PPM1A: variants seen among roughly 807,000 people sequenced by gnomAD.
The protein encoded by PPM1A is protein phosphatase 1A.
In PPM1A, 7 loss-of-function variants were observed where a neutral mutation model predicts 35.0. The ratio of observed to expected loss-of-function variants is 0.20; its 90% CI spans 0.11 to 0.38. The LOEUF (loss-of-function observed/expected upper bound fraction) is 0.38. PPM1A is among the 10% of genes least tolerant of loss of function. PPM1A has a pLI of 1.00. For synonymous variants in PPM1A, 153 were observed against 167.3 expected (o/e 0.91, Z 0.66); for missense variants, 239 against 467.8 (o/e 0.51, Z 4.51).
At chr14:60,290,696 G>A (rs1887537574) in intron 4 of PPM1A, among the ~76,000 whole-genome samples, 1 of 152,076 alleles carries the variant, frequency 6.6e-6, no homozygotes, top group Non-Finnish European at 1.5e-5. Context: ...ATTCTCTACT[G>A]TGTTTTGCAA....
Position 60,292,687 on chromosome 14 carries a change from A to G in PPM1A, c.*205A>G. On this transcript the variant is annotated 3_prime_UTR_variant, in exon 6 of 6. Transcript: ENST00000395076. The surrounding 1 kb of genome is among the most constrained non-coding windows in gnomAD (Gnocchi z 4.2). ...TTTTTGTAAATTTGAGACTTATGTA[A>G]GCGTGATTTCAAACCATAATTCGTG... 1 of 403,810 alleles carries G rather than the reference A, an allele frequency of 2.5e-6. No homozygotes were observed. Among genetic ancestry groups the G allele is most frequent in the East Asian group, 3.6e-5 (1 of 28,146 alleles). The allele number at this position is 403,810 out of a possible 1,614,324, so 25.0% of individuals were successfully genotyped here.
intron 2 of PPM1A, among the ~76,000 whole-genome samples, chr14:60,284,552 G>C (rs1886742319): frequency 6.6e-6 from 1 of 151,022 alleles, no homozygotes; most frequent in Non-Finnish European, 1.5e-5. Flanking sequence ...TGAGGCAGGA[G>C]AATGGCGTGA....
intron 1 of PPM1A, among the ~76,000 whole-genome samples, chr14:60,270,886 T>A (rs747414668): frequency 6.6e-6 from 1 of 152,262 alleles, no homozygotes; most frequent in Non-Finnish European, 1.5e-5. Flanking sequence ...TGGCAGATTT[T>A]CTTTCCCAAC....
At position 60,295,746 on chromosome 14, in the gene PPM1A, A is replaced by C. The variant is rs985651709; in HGVS notation, c.*3264A>C. ...TAGTGTATGTTAGTATTATAACTGG[A>C]TCACTCATCAAAAAATATATATATA... On this transcript the variant is annotated 3_prime_UTR_variant, in exon 6 of 6. Transcript: ENST00000395076. 6.6e-6 allele frequency: 1 copy of C among 151,602 alleles called. No individual in the cohort carries two copies. The highest frequency in any genetic ancestry group is 1.5e-5 in the Non-Finnish European group (1 of 67,632). The allele number at this position is 151,602 out of a possible 1,614,324, so 9.4% of individuals were successfully genotyped here. A position where few individuals can be genotyped will look rare whatever the true frequency, so the allele number is the denominator to read the frequency against.
intron 1 of PPM1A, among the ~76,000 whole-genome samples, chr14:60,257,518 A>G (rs1249041513): frequency 6.6e-6 from 1 of 152,168 alleles, no homozygotes; most frequent in African/African-American, 2.4e-5. Flanking sequence ...CTATAATATG[A>G]CCACCTCAGG....
upstream of PPM1A, among the ~76,000 whole-genome samples, chr14:60,247,742 G>A (rs1036688511): frequency 1.3e-5 from 2 of 151,006 alleles, no homozygotes; most frequent in Admixed American, 6.6e-5. Context: ...CTAAATATTT[G>A]CTGAATGCCA....
At position 60,282,185 on chromosome 14, in the gene PPM1A, T is replaced by C. The variant is rs1478711222; in HGVS notation, c.-20-499T>C. ...GCAAATTTGGAGCATTGTGAGTAGA[T>C]TATTTTTTAGTTTTTCAGAGTTCAT... On this transcript the variant is annotated intron_variant, in intron 1 of 5. Transcript: ENST00000395076. This position sits in a 1 kb window ranked among gnomAD's most constrained non-coding sequence, Gnocchi z 5.1. Among the ~76,000 whole-genome samples, 1 of 152,174 alleles carries C rather than the reference T, an allele frequency of 6.6e-6. No individual in the cohort carries two copies. Among genetic ancestry groups the C allele is most frequent in the East Asian group, 1.9e-4 (1 of 5,204 alleles).
chr14:60,249,239 G>T lies in PPM1A; in HGVS notation c.-459G>T. 4.0e-6 allele frequency: 4 copies of T among 987,992 alleles called. No homozygotes were observed. Among genetic ancestry groups the T allele is most frequent in the Non-Finnish European group, 4.8e-6 (4 of 832,038 alleles). The allele number at this position is 987,992 out of a possible 1,614,324, so 61.2% of individuals were successfully genotyped here. A position where few individuals can be genotyped will look rare whatever the true frequency, so the allele number is the denominator to read the frequency against. ...CCGCGCTAGAGGCGGCGGCGGCGGC[G>T]GTGGCGGCGCTAGGGACGGGAGCGC... On this transcript the variant is annotated 5_prime_UTR_variant, in exon 1 of 6. Transcript: ENST00000395076. This position sits in a 1 kb window ranked among gnomAD's most constrained non-coding sequence, Gnocchi z 4.5.
intron 1 of PPM1A, among the ~76,000 whole-genome samples, chr14:60,265,006 G>GT (rs1369030840): frequency 2.0e-5 from 3 of 151,986 alleles, no homozygotes; most frequent in Admixed American, 6.6e-5. Flanking sequence ...TTCTTTGTGT[G>GT]TTTTGAGTTT....
Position 60,277,227 on chromosome 14 carries a change from A to G in PPM1A, c.-20-5457A>G, listed in dbSNP as rs931057575. 4 of 184,062 alleles carry G rather than the reference A, an allele frequency of 2.2e-5. No homozygotes were observed. In the Admixed American group the frequency reaches 2.5e-4, roughly 11 times the overall value. The allele number at this position is 184,062 out of a possible 1,614,324, so 11.4% of individuals were successfully genotyped here. ...TAAAATACTCTTTATTAGTCCACTT[A>G]TGGAAGATGACTGTGTAAACATAGT... is the stretch of plus-strand genomic sequence containing the variant. On this transcript the variant is annotated intron_variant, in intron 1 of 5. Coordinates refer to ENST00000395076, the MANE Select transcript of PPM1A (RefSeq NM_021003.5).
chr14:60,265,466 G>A (rs941032191), intron 1 of PPM1A, among the ~76,000 whole-genome samples: 3 of 152,096 alleles, frequency 2.0e-5, no homozygotes, highest in African/African-American at 7.2e-5. Context: ...TTCAAAAACT[G>A]CTTTGTATTT....
intron 1 of PPM1A, among the ~76,000 whole-genome samples, chr14:60,262,900 C>G (rs1883922467): frequency 6.6e-6 from 1 of 152,136 alleles, no homozygotes; most frequent in African/African-American, 2.4e-5. Flanking sequence ...TTACTACTAC[C>G]TTAGCCATGT....
chr14:60,279,677 CAT>C (rs1485055795), intron 1 of PPM1A, among the ~76,000 whole-genome samples: 1 of 152,202 alleles, frequency 6.6e-6, no homozygotes, highest in Non-Finnish European at 1.5e-5. Context: ...TGTTTCTCCA[CAT>C]TCTGACCAAC....
intron 1 of PPM1A, among the ~76,000 whole-genome samples, chr14:60,259,176 G>C (rs1221609702): frequency 6.6e-6 from 1 of 152,048 alleles, no homozygotes; most frequent in Non-Finnish European, 1.5e-5. Context: ...AACTCAGTGA[G>C]TGACTCTATT....
chr14:60,264,552 C>A (rs1306812989), intron 1 of PPM1A, among the ~76,000 whole-genome samples: 2 of 152,144 alleles, frequency 1.3e-5, no homozygotes, highest in Non-Finnish European at 2.9e-5. Flanking sequence ...AAACACATTT[C>A]TATGATATGC....
At chr14:60,250,636 G>A (rs1468205653) in intron 1 of PPM1A, among the ~76,000 whole-genome samples, 1 of 152,216 alleles carries the variant, frequency 6.6e-6, no homozygotes, top group Non-Finnish European at 1.5e-5. Flanking sequence ...GAAGTGGTTG[G>A]AAGAGTATGA....
rs1018050717 is a variant in PPM1A, at chr14:60,293,091, G to C, written c.*609G>C. On this transcript the variant is annotated 3_prime_UTR_variant, in exon 6 of 6. Coordinates refer to ENST00000395076, the MANE Select transcript of PPM1A (RefSeq NM_021003.5). The surrounding 1 kb of genome is among the most constrained non-coding windows in gnomAD (Gnocchi z 4.0). ...GTCCCTTCATTTAACTGTCTTTCAG[G>C]ATGTTCCTTCGTTGTTTCCATGAGT... The C allele has an allele frequency of 1.3e-5, 2 of 152,064 alleles. No individual in the cohort carries two copies. The highest frequency in any genetic ancestry group is 2.9e-5 in the Non-Finnish European group (2 of 68,002). The allele number at this position is 152,064 out of a possible 1,614,324, so 9.4% of individuals were successfully genotyped here. A position where few individuals can be genotyped will look rare whatever the true frequency, so the allele number is the denominator to read the frequency against.
intron 1 of PPM1A, among the ~76,000 whole-genome samples, chr14:60,264,840 C>G (rs1884190901): frequency 6.6e-6 from 1 of 151,968 alleles, no homozygotes; most frequent in South Asian, 2.1e-4. Context: ...TAATAGCCAC[C>G]TATTCTGGTT....
At chr14:60,261,428 A>C (rs969713455) in intron 1 of PPM1A, among the ~76,000 whole-genome samples, 1 of 152,188 alleles carries the variant, frequency 6.6e-6, no homozygotes, top group Non-Finnish European at 1.5e-5. Flanking sequence ...TGAAGCACAA[A>C]GGATAGCCCC....
Sources: gnomAD v4.1 joint callset for allele counts (sites outside exome capture counted in the v4.1 genomes callset) on GRCh38, gnomAD v4.1.1 for gene constraint, Gnocchi (gnomAD v3.1) non-coding constraint, MANE v1.5 for transcripts, NCBI Gene and HGNC (gene_info 2026-07-23, HGNC 2026-07-21) for gene names.